ADAMTSL1: variants seen among roughly 807,000 people sequenced by gnomAD.
ADAMTSL1 encodes ADAMTS-like protein 1.
Under a neutral mutation model 201.8 loss-of-function variants are expected in ADAMTSL1, and 126 were observed. The ratio of observed to expected loss-of-function variants is 0.62; its 90% CI spans 0.54 to 0.72. The LOEUF is 0.72. Among genes scored for constraint, ADAMTSL1 ranks in the 30% least tolerant of loss-of-function variants. ADAMTSL1 has a pLI of 0.00. For missense variants in ADAMTSL1, 2,679 were observed against 2,277.8 expected (o/e 1.18, Z -3.59); for synonymous variants, 1,121 against 903.4 (o/e 1.24, Z -4.32).
At chr9:18,120,626 C>G (rs1436456525) in intron 1 of ADAMTSL1, among the ~76,000 whole-genome samples, 4 of 152,010 alleles carry the variant, frequency 2.6e-5, no homozygotes, top group African/African-American at 9.7e-5. Flanking sequence ...TCCATATATG[C>G]ATAATATTAT....
rs182817612 is a variant in ADAMTSL1 at position 18,649,636 on chromosome 9, A to C, written c.835-8003A>C. 3.4e-3 allele frequency among the ~76,000 whole-genome samples: 510 copies of C among 152,012 alleles called. 6 individuals are homozygous for C. The highest frequency in any genetic ancestry group is 0.029 in the Admixed American group (437 of 15,264). On this transcript the variant is annotated intron_variant, in intron 7 of 28. Transcript: ENST00000380548. The stretch of plus-strand genomic sequence containing the variant: ...GGACCCTCAGCTGCAGGTCTGTTGG[A>C]GTTTGCTAGATTTCCACTCCAGACC...
intron 2 of ADAMTSL1, among the ~76,000 whole-genome samples, chr9:18,515,688 C>G (rs1040033170): frequency 1.3e-5 from 2 of 152,054 alleles, no homozygotes; most frequent in Non-Finnish European, 2.9e-5. Flanking sequence ...ATGATCGAGT[C>G]CGCCATGTGG....
intron 15 of ADAMTSL1, among the ~76,000 whole-genome samples, chr9:18,733,174 G>A (rs71506900): frequency 0.081 from 12,251 of 152,178 alleles, 532 homozygotes; most frequent in South Asian, 0.11. Context: ...GGGAATGACC[G>A]CAGTGTAAAG....
chr9:17,967,338 T>C (rs1040381156), intron 1 of ADAMTSL1, among the ~76,000 whole-genome samples: 8 of 152,138 alleles, frequency 5.3e-5, no homozygotes, highest in African/African-American at 1.7e-4. Context: ...AGATAACTAG[T>C]TTCAATCTTT....
At chr9:18,824,995 C>A (rs1194515145) in intron 21 of ADAMTSL1, among the ~76,000 whole-genome samples, 1 of 152,156 alleles carries the variant, frequency 6.6e-6, no homozygotes, top group East Asian at 1.9e-4. Context: ...CACGCCCGGC[C>A]AGGACTTTAC....
At chr9:18,568,549 A>G in intron 3 of ADAMTSL1, among the ~76,000 whole-genome samples, 1 of 152,342 alleles carries the variant, frequency 6.6e-6, no homozygotes, top group Non-Finnish European at 1.5e-5. Flanking sequence ...GTATGTTTTT[A>G]TCATAACGTG....
At chr9:18,087,421 C>A (rs1484441672) in intron 1 of ADAMTSL1, among the ~76,000 whole-genome samples, 1 of 152,046 alleles carries the variant, frequency 6.6e-6, no homozygotes, top group African/African-American at 2.4e-5. Context: ...GAGGAATTCT[C>A]CTAGGTCACT....
intron 23 of ADAMTSL1, among the ~76,000 whole-genome samples, chr9:18,882,335 C>G (rs562458225): frequency 1.3e-5 from 2 of 151,700 alleles, no homozygotes; most frequent in East Asian, 3.9e-4. Context: ...GCATATGGCC[C>G]TTTTTTTTTC....
rs188966677 is a variant in ADAMTSL1, at chr9:18,279,347, G to A, written c.207+115366G>A. 1.4e-3 allele frequency among the ~76,000 whole-genome samples: 208 copies of A among 152,146 alleles called. 1 individual carries two copies. Among genetic ancestry groups the A allele is most frequent in the Non-Finnish European group, 4.1e-4 (28 of 68,012 alleles). ...AAATCTGTGCAGGTGGACCCACAGAGTTAAAATGTGTTGTTCAAGGATCAG... is the reference window on the plus strand; with the variant it reads ...AAATCTGTGCAGGTGGACCCACAGAATTAAAATGTGTTGTTCAAGGATCAG... On this transcript the variant is annotated intron_variant, in intron 2 of 29. Coordinates refer to the ADAMTSL1 transcript ENST00000680146.
intron 1 of ADAMTSL1, among the ~76,000 whole-genome samples, chr9:17,994,015 T>G (rs1819271630): frequency 6.6e-6 from 1 of 151,876 alleles, no homozygotes; most frequent in African/African-American, 2.4e-5. Context: ...ATTCGATTTT[T>G]TTTGCCCCTC....
At chr9:18,891,653 C>G (rs993912444) in intron 25 of ADAMTSL1, among the ~76,000 whole-genome samples, 1 of 152,216 alleles carries the variant, frequency 6.6e-6, no homozygotes, top group South Asian at 2.1e-4. Flanking sequence ...TATGGACTGT[C>G]ACGCGGTCAC....
chr9:18,684,772 G>T lies in ADAMTSL1; in HGVS notation c.1546G>T (p.Glu516Ter). The change falls in exon 13 of 29, where the codon GAA becomes TAA. Residue 516 changes from glutamate to a stop codon, truncating the protein, a stop_gained. Coordinates refer to ENST00000380548, the MANE Select transcript of ADAMTSL1 (RefSeq NM_001040272.6). LOFTEE classifies it high-confidence loss of function. Reference protein sequence around the residue: ...PWFKQAQELEEGAAVSEEPSF... With the variant: ...PWFKQAQELE Reference sequence around the variant, plus strand: ...GTTCAAACAAGCTCAAGAGCTAGAAGAAGGAGCTGCTGTGTCAGAGGAGCC... The same window carrying T: ...GTTCAAACAAGCTCAAGAGCTAGAATAAGGAGCTGCTGTGTCAGAGGAGCC... The T allele has an allele frequency of 6.2e-7, 1 of 1,612,800 alleles. No individual in the cohort carries two copies. Among genetic ancestry groups the T allele is most frequent in the Non-Finnish European group, 8.5e-7 (1 of 1,179,626 alleles).
rs1386073006 is a variant in ADAMTSL1, at chr9:18,777,431, C to T, written c.3202C>T (p.Pro1068Ser). The change falls in exon 19 of 29, where the codon CCC (proline) becomes TCC (serine). Residue 1068 changes from proline (P) to serine (S), a missense_variant. Physicochemically the swap from Pro to Ser is moderately conservative, Grantham distance 74 (BLOSUM62 -1). Coordinates refer to ENST00000380548, the MANE Select transcript of ADAMTSL1 (RefSeq NM_001040272.6). ...PGAEQVLLHL[P>S]FTMVTEQRRL... ...TGCAGAGCAAGTGCTCCTGCACCTGCCCTTCACCATGGTGACCGAGCAGCG... is the reference window on the plus strand; with the variant it reads ...TGCAGAGCAAGTGCTCCTGCACCTGTCCTTCACCATGGTGACCGAGCAGCG... The T allele has an allele frequency of 6.2e-7, 1 of 1,600,138 alleles. No homozygotes were observed. The highest frequency in any genetic ancestry group is 8.5e-7 in the Non-Finnish European group (1 of 1,173,836).
At chr9:18,628,422 T>C (rs1826534015) in intron 5 of ADAMTSL1, among the ~76,000 whole-genome samples, 1 of 152,232 alleles carries the variant, frequency 6.6e-6, no homozygotes, top group South Asian at 2.1e-4. Context: ...TTCTGGACTC[T>C]ATTCTGCTAT....
chr9:18,106,978 A>G (rs1824788783), intron 1 of ADAMTSL1, among the ~76,000 whole-genome samples: 1 of 152,242 alleles, frequency 6.6e-6, no homozygotes, highest in Non-Finnish European at 1.5e-5. Context: ...TTGACTAACA[A>G]AAATAGACTG....
chr9:18,314,589 C>G (rs1206076014), intron 2 of ADAMTSL1, among the ~76,000 whole-genome samples: 2 of 151,626 alleles, frequency 1.3e-5, no homozygotes, highest in African/African-American at 4.8e-5. Context: ...GTTCATCCCT[C>G]CCAGTGGGTT....
At chr9:18,536,896 A>C (rs1405252686) in intron 3 of ADAMTSL1, among the ~76,000 whole-genome samples, 1 of 151,954 alleles carries the variant, frequency 6.6e-6, no homozygotes, top group Non-Finnish European at 1.5e-5. Context: ...TTTTAAAGTG[A>C]CTTCCAATGT....
intron 1 of ADAMTSL1, among the ~76,000 whole-genome samples, chr9:18,055,578 G>T (rs2131680187): frequency 6.6e-6 from 1 of 152,284 alleles, no homozygotes; most frequent in Non-Finnish European, 1.5e-5. Flanking sequence ...GCTTTTCTAT[G>T]GTTCCCTTCT....
At chr9:18,006,672 AT>A (rs745866605) in intron 1 of ADAMTSL1, among the ~76,000 whole-genome samples, 3 of 151,890 alleles carry the variant, frequency 2.0e-5, no homozygotes, top group Non-Finnish European at 2.9e-5. Flanking sequence ...GCTTGGATGG[AT>A]TTGATTGATT....
Sources: allele counts gnomAD v4.1 joint callset (sites outside exome capture counted in the v4.1 genomes callset), GRCh38; gene constraint gnomAD v4.1.1; transcripts MANE v1.5; gene names NCBI Gene and HGNC (gene_info 2026-07-23, HGNC 2026-07-21).